Variants in COL22A1 observed in about 807,000 individuals in gnomAD.
COL22A1 encodes collagen type XXII alpha 1 chain.
A neutral mutation model predicts 248.9 loss-of-function variants in COL22A1; 221 were observed. The observed-to-expected ratio is 0.89, with a 90% CI of 0.80 to 0.99. COL22A1 has a LOEUF of 0.99. COL22A1 is among the 50% of genes least tolerant of loss of function. The pLI, the probability that COL22A1 is intolerant of heterozygous loss-of-function variation, is 0.00. For missense variants in COL22A1, 2,240 were observed against 2,179.0 expected (o/e 1.03, Z -0.56); for synonymous variants, 891 against 793.4 (o/e 1.12, Z -2.07).
intron 3 of COL22A1, among the ~76,000 whole-genome samples, chr8:138,846,626 G>C (rs1021836652): frequency 6.6e-6 from 1 of 151,928 alleles, no homozygotes; most frequent in Non-Finnish European, 1.5e-5. Context: ...GGGGATGGTG[G>C]GGTCCTCAGG....
At chr8:138,847,845 G>T (rs1259817895) in intron 3 of COL22A1, among the ~76,000 whole-genome samples, 1 of 151,886 alleles carries the variant, frequency 6.6e-6, no homozygotes, top group Admixed American at 6.6e-5. Flanking sequence ...CCATATATGG[G>T]TTTTCTTCAC....
At position 138,902,737 on chromosome 8, in the gene COL22A1, TATACACACACACAC is replaced by T. The variant is rs1461926613; in HGVS notation, c.-73+10868_-73+10881del. ...AAAAAAATTTATAAATATATATATATATACACACACACACACACACACACACACACACACACACA... is the reference window on the plus strand; with the variant it reads ...AAAAAAATTTATAAATATATATATATACACACACACACACACACACACACA... On this transcript the variant is annotated intron_variant, in intron 1 of 64. Transcript: ENST00000303045. Among the ~76,000 whole-genome samples, 229 of 107,060 alleles carry T rather than the reference TATACACACACACAC, an allele frequency of 2.1e-3. 1 individual carries two copies. The South Asian group carries it at 0.032, about 15-fold the overall frequency. 70.2% of individuals were successfully genotyped at this position (107,060 alleles called of 152,430 possible).
intron 23 of COL22A1, among the ~76,000 whole-genome samples, chr8:138,727,574 C>T (rs797003646): frequency 2.3e-4 from 35 of 152,208 alleles, no homozygotes; most frequent in African/African-American, 8.2e-4. Flanking sequence ...CGAGAAATAC[C>T]AAAAAATGGC....
chr8:138,715,297 C>T (rs1829339722), intron 30 of COL22A1, among the ~76,000 whole-genome samples: 1 of 152,154 alleles, frequency 6.6e-6, no homozygotes, highest in South Asian at 2.1e-4. Flanking sequence ...GTGTCTCATG[C>T]CTGTAATCCC....
At chr8:138,866,517 ATC>A (rs1469143936) in intron 3 of COL22A1, among the ~76,000 whole-genome samples, 2 of 152,164 alleles carry the variant, frequency 1.3e-5, no homozygotes, top group African/African-American at 4.8e-5. Context: ...TCTATATTTC[ATC>A]TCTTTCTCAA....
intron 23 of COL22A1, among the ~76,000 whole-genome samples, chr8:138,729,561 C>G (rs1156376730): frequency 6.6e-6 from 1 of 152,198 alleles, no homozygotes; most frequent in East Asian, 1.9e-4. Context: ...AAGCTGGAAG[C>G]AGCTGGAAGC....
intron 49 of COL22A1, 85 bp downstream of exon 49, chr8:138,634,925 T>C (rs1587724587): frequency 2.2e-6 from 2 of 928,176 alleles, no homozygotes; most frequent in East Asian, 2.4e-5. Flanking sequence ...AGAGATATGC[T>C]CAGTGTCATA....
chr8:138,804,845 C>T (rs13254348), intron 10 of COL22A1, among the ~76,000 whole-genome samples: 58,826 of 138,770 alleles, frequency 0.42, 14,835 homozygotes, highest in African/African-American at 0.74. Context: ...TGTGTGCATA[C>T]GTATGTATAT....
intron 9 of COL22A1, among the ~76,000 whole-genome samples, chr8:138,810,177 G>C (rs1442026935): frequency 2.0e-5 from 3 of 152,178 alleles, no homozygotes; most frequent in Non-Finnish European, 4.4e-5. Context: ...GGACACGAAG[G>C]AGGGAAGAGG....
At chr8:138,664,205 GCGCGCACACACACACACACACACA>G (rs1357965324) in intron 41 of COL22A1, among the ~76,000 whole-genome samples, 1 of 96,962 alleles carries the variant, frequency 1.0e-5, no homozygotes, top group African/African-American at 3.8e-5. Flanking sequence ...GCGCGCGCGC[GCGCGCACACACACACACACACACA>G]CACACACACA....
chr8:138,596,820 G>C, intron 62 of COL22A1, 84 bp downstream of exon 62: 1 of 1,266,864 alleles, frequency 7.9e-7, no homozygotes, highest in Non-Finnish European at 1.1e-6. Flanking sequence ...TCTTATTCCA[G>C]GATGCAAAAG....
intron 4 of COL22A1, among the ~76,000 whole-genome samples, chr8:138,841,905 C>A (rs1377187363): frequency 6.6e-6 from 1 of 152,128 alleles, no homozygotes; most frequent in Non-Finnish European, 1.5e-5. Flanking sequence ...TGCAACGCAG[C>A]CTATTTTTCC....
chr8:138,696,690 G>A (rs62527939), intron 32 of COL22A1, among the ~76,000 whole-genome samples: 6,417 of 152,232 alleles, frequency 0.042, 236 homozygotes, highest in African/African-American at 0.1. Context: ...GGTCTACCTC[G>A]TACAGCTGTG....
chr8:138,588,828 T>A lies in COL22A1; in HGVS notation c.*425A>T, dbSNP rs1221074017. The A allele has an allele frequency of 6.5e-6, 1 of 154,052 alleles. No homozygotes were observed. The highest frequency in any genetic ancestry group is 1.4e-5 in the Non-Finnish European group (1 of 69,162). 9.5% of individuals were successfully genotyped at this position (154,052 alleles called of 1,614,324 possible). A position where few individuals can be genotyped will look rare whatever the true frequency, so the allele number is the denominator to read the frequency against. On this transcript the variant is annotated 3_prime_UTR_variant, in exon 65 of 65. Transcript: ENST00000303045. ...GGCTCATTTTCTTAAAGTTTTTCTTTTGAAGAAAGAGGTAAATTTGCCAAG... is the reference window on the plus strand; with the variant it reads ...GGCTCATTTTCTTAAAGTTTTTCTTATGAAGAAAGAGGTAAATTTGCCAAG...
intron 51 of COL22A1, among the ~76,000 whole-genome samples, chr8:138,625,023 G>C (rs996961530): frequency 1.3e-5 from 2 of 152,146 alleles, no homozygotes; most frequent in African/African-American, 2.4e-5. Context: ...TCAATGTTAC[G>C]TCCTCAGATC....
rs1195393682 is a variant in COL22A1 at position 138,613,898 on chromosome 8, G to A, written c.3947C>T (p.Pro1316Leu). The A allele has an allele frequency of 2.5e-6, 4 of 1,613,666 alleles. No homozygotes were observed. In the African/African-American group the frequency reaches 4.0e-5, roughly 16 times the overall value. Residue 1316 changes from proline (P) to leucine (L), a missense_variant, in exon 56 of 65, where the codon CCA (proline) becomes CTA (leucine). Coordinates refer to ENST00000303045, the MANE Select transcript of COL22A1 (RefSeq NM_152888.3). ...GKDGDTGPTG[P>L]QGPQGPRGPP... Reference sequence around the variant, plus strand: ...GCCCCTTGGTCCTTGGGGACCCTGTGGCCCAGTGGGTCCAGTGTCACCCTG... The same window carrying A: ...GCCCCTTGGTCCTTGGGGACCCTGTAGCCCAGTGGGTCCAGTGTCACCCTG...
intron 1 of COL22A1, among the ~76,000 whole-genome samples, chr8:138,904,386 G>A (rs965520116): frequency 6.6e-6 from 1 of 151,878 alleles, no homozygotes; most frequent in Non-Finnish European, 1.5e-5. Context: ...CCCAACCCCT[G>A]CGGCCTCCCT....
intron 7 of COL22A1, among the ~76,000 whole-genome samples, chr8:138,813,466 C>T (rs1003154892): frequency 1.3e-5 from 2 of 152,198 alleles, no homozygotes; most frequent in African/African-American, 4.8e-5. Context: ...TCTGCCATGA[C>T]TGTGAGGCCT....
Position 138,594,060 on chromosome 8 carries a change from C to T in COL22A1, c.4572G>A (p.Gly1524=). 1.3e-6 allele frequency: 2 copies of T among 1,591,022 alleles called. No homozygotes were observed. The highest frequency in any genetic ancestry group is 2.3e-5 in the East Asian group (1 of 43,248). Residue 1524 remains glycine, a synonymous_variant, in exon 63 of 65, where the codon GGG becomes GGA. Transcript: ENST00000303045. ...CAGAGGGTCCTTCCAGACCCCCCTG[C>T]CCAGGACGACCTGGCTCCCCCATGG... ...AGPMGEPGRP[G]QGGLEGPSGP...
Sources: gnomAD v4.1 joint callset for allele counts (sites outside exome capture counted in the v4.1 genomes callset) on GRCh38, gnomAD v4.1.1 for gene constraint, MANE v1.5 for transcripts, NCBI Gene and HGNC (gene_info 2026-07-23, HGNC 2026-07-21) for gene names.